The following CCDC91 variants were observed in gnomAD, a reference collection of about 807,000 sequenced individuals.
The protein encoded by CCDC91 is coiled-coil domain containing 91.
In CCDC91, 48 loss-of-function variants were observed where a neutral mutation model predicts 63.2. The ratio of observed to expected loss-of-function variants is 0.76; its 90% confidence interval spans 0.60 to 0.97. CCDC91 has a LOEUF of 0.97. CCDC91 is among the 50% of genes least tolerant of loss of function. CCDC91 has a pLI of 0.00. For missense variants in CCDC91, 500 were observed against 494.6 expected, an observed-to-expected ratio of 1.01 and a Z score of -0.10; for synonymous variants, 167 against 165.8, an observed-to-expected ratio of 1.01 and a Z score of -0.06.
intron 11 of CCDC91, among the ~76,000 whole-genome samples, chr12:28,455,886 G>T (rs1950035371): frequency 6.6e-6 from 1 of 151,956 alleles, no homozygotes; most frequent in African/African-American, 2.4e-5. Flanking sequence ...TGTTACAGAT[G>T]GGGAGACTAA....
rs563690892 is a variant in CCDC91, at chr12:28,434,313, A to C, written c.763-15848A>C. On this transcript the variant is annotated intron_variant, in intron 8 of 12. Transcript: ENST00000536442. The stretch of plus-strand genomic sequence containing the variant: ...TATAGTTCGATAATTTTTTTTAAAA[A>C]AATCATGAATACCGATTTTGTCAAA... Among the ~76,000 whole-genome samples, 5 of 151,818 alleles carry C rather than the reference A, an allele frequency of 3.3e-5. No individual in the cohort carries two copies. The East Asian group carries it at 9.6e-4, about 29-fold the overall frequency.
At chr12:28,316,184 T>C (rs1340829660) in intron 6 of CCDC91, among the ~76,000 whole-genome samples, 1 of 151,920 alleles carries the variant, frequency 6.6e-6, no homozygotes, top group East Asian at 1.9e-4. Context: ...GTTATTACAT[T>C]ATAAATTTAA....
intron 3 of CCDC91, among the ~76,000 whole-genome samples, chr12:28,274,391 C>G (rs1170585741): frequency 6.6e-6 from 1 of 151,862 alleles, no homozygotes; most frequent in Admixed American, 6.6e-5. Context: ...GTCATTGGTA[C>G]CTTGATGGGG....
chr12:28,363,886 A>C (rs1944081710), intron 7 of CCDC91, among the ~76,000 whole-genome samples: 1 of 150,510 alleles, frequency 6.6e-6, no homozygotes, highest in Admixed American at 6.6e-5. Context: ...GAAAAAAAAA[A>C]AAAAAAAAAA....
chr12:28,326,301 A>G (rs1413023024), intron 6 of CCDC91, among the ~76,000 whole-genome samples: 1 of 151,938 alleles, frequency 6.6e-6, no homozygotes, highest in Non-Finnish European at 1.5e-5. Flanking sequence ...ACCATTTGGG[A>G]TATTTTTTAT....
intron 7 of CCDC91, among the ~76,000 whole-genome samples, chr12:28,384,375 C>T (rs1945474563): frequency 2.0e-5 from 3 of 152,004 alleles, no homozygotes; most frequent in African/African-American, 2.4e-5. Flanking sequence ...AGAATAATTG[C>T]ATTATCTTTA....
intron 6 of CCDC91, among the ~76,000 whole-genome samples, chr12:28,322,212 G>T (rs1006884291): frequency 2.0e-5 from 3 of 151,798 alleles, no homozygotes; most frequent in African/African-American, 7.3e-5. Flanking sequence ...AAAATTACAG[G>T]ATAGTTGCTA....
intron 1 of CCDC91, among the ~76,000 whole-genome samples, chr12:28,208,184 G>A (rs117373922): frequency 0.015 from 2,215 of 152,204 alleles, 23 homozygotes; most frequent in Non-Finnish European, 0.024. Flanking sequence ...CCTGAAAGAC[G>A]CCATGCTTTT....
chr12:28,533,944 CTTGTT>C (rs1409725725), intron 12 of CCDC91, among the ~76,000 whole-genome samples: 2 of 151,724 alleles, frequency 1.3e-5, no homozygotes, highest in Non-Finnish European at 2.9e-5. Context: ...TTTTCTTATA[CTTGTT>C]TTATTTTAGG....
At chr12:28,422,629 T>C (rs757251822) in intron 8 of CCDC91, among the ~76,000 whole-genome samples, 5 of 152,084 alleles carry the variant, frequency 3.3e-5, no homozygotes, top group Non-Finnish European at 7.4e-5. Flanking sequence ...TGGCTAGCCA[T>C]AAAATTGTTT....
chr12:28,414,282 T>A (rs1385878682), intron 8 of CCDC91, among the ~76,000 whole-genome samples: 3 of 152,112 alleles, frequency 2.0e-5, no homozygotes, highest in African/African-American at 7.2e-5. Context: ...AATATTGTAA[T>A]AATAAATGAT....
intron 12 of CCDC91, among the ~76,000 whole-genome samples, chr12:28,540,756 G>A (rs1474507059): frequency 6.6e-6 from 1 of 152,096 alleles, no homozygotes; most frequent in Non-Finnish European, 1.5e-5. Context: ...GTGAGATTGG[G>A]CTATTAAAAG....
At chr12:28,304,798 A>G in intron 3 of CCDC91, 1 of 394,032 alleles carries the variant, frequency 2.5e-6, no homozygotes, top group Non-Finnish European at 4.6e-6. Context: ...TACATAATAC[A>G]AACTTATTTG....
At chr12:28,283,023 A>G (rs570666545) in intron 3 of CCDC91, among the ~76,000 whole-genome samples, 49 of 152,168 alleles carry the variant, frequency 3.2e-4, no homozygotes, top group Non-Finnish European at 6.3e-4. Flanking sequence ...GGTTGTAGGT[A>G]TTTGGCTGTA....
chr12:28,213,232 A>T (rs557083136), intron 1 of CCDC91, among the ~76,000 whole-genome samples: 1 of 152,306 alleles, frequency 6.6e-6, no homozygotes, highest in African/African-American at 2.4e-5. Context: ...GGAAGTTGGC[A>T]TGCAAGACAA....
intron 3 of CCDC91, among the ~76,000 whole-genome samples, chr12:28,297,690 C>T (rs1434623122): frequency 5.3e-5 from 8 of 151,904 alleles, no homozygotes; most frequent in Admixed American, 2.0e-4. Context: ...TTGTTGGGCA[C>T]ACCTGATTTC....
chr12:28,451,678 G>A (rs1032232043), intron 10 of CCDC91, among the ~76,000 whole-genome samples: 5 of 151,570 alleles, frequency 3.3e-5, no homozygotes, highest in African/African-American at 1.2e-4. Flanking sequence ...ATTATGCATC[G>A]ATAAATGATT....
chr12:28,522,315 C>T (rs572256681), intron 12 of CCDC91, among the ~76,000 whole-genome samples: 8 of 152,170 alleles, frequency 5.3e-5, no homozygotes, highest in East Asian at 3.9e-4. Flanking sequence ...GTGTATGTGT[C>T]GAGGAATTTA....
At chr12:28,415,486 C>T (rs1274164267) in intron 8 of CCDC91, among the ~76,000 whole-genome samples, 3 of 152,100 alleles carry the variant, frequency 2.0e-5, no homozygotes. Context: ...TCCCAAAGTG[C>T]TGGGATTACA....
Sources: allele counts gnomAD v4.1 joint callset (sites outside exome capture counted in the v4.1 genomes callset), GRCh38; gene constraint gnomAD v4.1.1; transcripts MANE v1.5; gene names NCBI Gene and HGNC (gene_info 2026-07-23, HGNC 2026-07-21).